The following RSL1D1 variants were observed in gnomAD, a reference collection of about 807,000 sequenced individuals.
RSL1D1 encodes ribosomal L1 domain containing 1.
Under a neutral mutation model 44.6 loss-of-function variants are expected in RSL1D1, and 34 were observed. The observed-to-expected ratio is 0.76, with a 90% CI of 0.58 to 1.02. The LOEUF (loss-of-function observed/expected upper bound fraction) is 1.02. Ranked by LOEUF, RSL1D1 falls within the 50% of genes least tolerant of loss-of-function variation. The pLI, the probability that RSL1D1 is intolerant of heterozygous loss-of-function variation, is 0.00. For synonymous variants in RSL1D1, 271 were observed against 207.4 expected (o/e 1.31, Z -2.63); for missense variants, 767 against 568.1 (o/e 1.35, Z -3.56).
rs368069170 is a variant in RSL1D1, at chr16:11,841,761, G to C, written c.789C>G (p.Ile263Met). Residue 263 changes from isoleucine to methionine, a missense_variant, in exon 7 of 9, where the codon ATC becomes ATG. Coordinates refer to ENST00000571133, the MANE Select transcript of RSL1D1 (RefSeq NM_015659.3). Reference protein sequence around the residue: ...VKTEKSAALPIFSSFVSNWDE... With the variant: ...VKTEKSAALPMFSSFVSNWDE... ...CCCAATTGCTGACAAACGAGGAAAA[G>C]ATGGGAAGTGCAGCCGATTTCTCAG... 1.9e-6 allele frequency: 3 copies of C among 1,614,100 alleles called. No homozygotes were observed. Among genetic ancestry groups the C allele is most frequent in the Non-Finnish European group, 2.5e-6 (3 of 1,179,976 alleles).
intron 8 of RSL1D1, among the ~76,000 whole-genome samples, chr16:11,838,317 A>G (rs543123435): frequency 2.0e-5 from 3 of 151,908 alleles, no homozygotes; most frequent in Non-Finnish European, 2.9e-5. Context: ...GTGTGCCACC[A>G]CGCCCGGCTC....
chr16:11,848,183 G>A (rs2053812676), intron 2 of RSL1D1, among the ~76,000 whole-genome samples: 1 of 152,158 alleles, frequency 6.6e-6, no homozygotes, highest in Non-Finnish European at 1.5e-5. Flanking sequence ...AACCCGGAAG[G>A]TGGAGGTTGC....
chr16:11,839,619 T>C, intron 8 of RSL1D1, 76 bp downstream of exon 8: 1 of 1,540,796 alleles, frequency 6.5e-7, no homozygotes, highest in South Asian at 1.3e-5. Flanking sequence ...TCATCATTTA[T>C]TGCTCAGCAC....
At chr16:11,847,522 G>C in intron 3 of RSL1D1, 146 bp downstream of exon 3, 1 of 672,064 alleles carries the variant, frequency 1.5e-6, no homozygotes, top group Non-Finnish European at 2.5e-6. Flanking sequence ...AGATATAAAA[G>C]CTACTGATGT....
chr16:11,843,871 C>CAAAAAAAAAA (rs35833714), intron 5 of RSL1D1, among the ~76,000 whole-genome samples: 8 of 53,554 alleles, frequency 1.5e-4, no homozygotes, highest in African/African-American at 5.1e-4. Context: ...AACTCTGTCT[C>CAAAAAAAAAA]AAAAAAAAAA....
intron 7 of RSL1D1, chr16:11,841,409 C>T (rs1300825311): frequency 4.3e-5 from 12 of 279,780 alleles, no homozygotes; most frequent in Non-Finnish European, 6.9e-5. Flanking sequence ...CCCTGTCTCT[C>T]TAAAAAAACC....
At chr16:11,849,788 G>C (rs980270218) in intron 2 of RSL1D1, among the ~76,000 whole-genome samples, 1 of 152,176 alleles carries the variant, frequency 6.6e-6, no homozygotes, top group African/African-American at 2.4e-5. Context: ...CAAGCTCTAA[G>C]AAAACTGGTG....
chr16:11,839,582 A>G (rs991214439), intron 8 of RSL1D1, 113 bp downstream of exon 8: 12 of 1,399,244 alleles, frequency 8.6e-6, no homozygotes, highest in Non-Finnish European at 1.1e-5. Context: ...CCACCTTCAC[A>G]GTTCTTTGGG....
At chr16:11,846,631 A>G in intron 4 of RSL1D1, 29 bp from the exon 5 acceptor site, 2 of 1,601,346 alleles carry the variant, frequency 1.2e-6, no homozygotes, top group Non-Finnish European at 1.7e-6. Context: ...GGCATTCAGA[A>G]CACAATGCAT....
At chr16:11,838,312 CCA>C (rs1409086981) in intron 8 of RSL1D1, among the ~76,000 whole-genome samples, 199 bp from the exon 9 acceptor site, 1 of 151,830 alleles carries the variant, frequency 6.6e-6, no homozygotes, top group Non-Finnish European at 1.5e-5. Flanking sequence ...TAGGTGTGTG[CCA>C]CCACGCCCGG....
At chr16:11,842,318 A>T (rs1162674942) in intron 5 of RSL1D1, among the ~76,000 whole-genome samples, 1 of 152,094 alleles carries the variant, frequency 6.6e-6, no homozygotes, top group East Asian at 1.9e-4. Context: ...GTAACAGGGA[A>T]AAACACAGTC....
intron 8 of RSL1D1, among the ~76,000 whole-genome samples, chr16:11,839,327 C>T (rs2053745681): frequency 6.7e-6 from 1 of 149,610 alleles, no homozygotes; most frequent in African/African-American, 2.5e-5. Context: ...GATCATGCCA[C>T]TGCACTCTAG....
rs1231983608 is a variant in RSL1D1 at position 11,837,797 on chromosome 16, T to C, written c.1463A>G (p.Gln488Arg). Reference sequence around the variant, plus strand: ...GTTGAATCACTGACTTTAGGTCGACTGGGGTACTTTGGGTTTTTTGGGCCA... The same window carrying C: ...GTTGAATCACTGACTTTAGGTCGACCGGGGTACTTTGGGTTTTTTGGGCCA... The part of the protein sequence containing the change: ...KKWPKKPKVP[Q>R]ST The change falls in exon 9 of 9, where the codon CAG (glutamine) becomes CGG (arginine). Residue 488 changes from glutamine (Q) to arginine (R), a missense_variant. Transcript: ENST00000571133. 1 of 1,606,556 alleles carries C rather than the reference T, an allele frequency of 6.2e-7. No homozygotes were observed. Among genetic ancestry groups the C allele is most frequent in the East Asian group, 2.2e-5 (1 of 44,796 alleles).
intron 7 of RSL1D1, among the ~76,000 whole-genome samples, chr16:11,841,133 G>C (rs987367183): frequency 6.6e-6 from 1 of 152,190 alleles, no homozygotes; most frequent in South Asian, 2.1e-4. Flanking sequence ...ATCCAGGCCA[G>C]GCATAGTAGC....
chr16:11,837,365 ATTT>A lies in RSL1D1; in HGVS notation c.*419_*421del, dbSNP rs1351439945. 1 of 153,892 alleles carries A rather than the reference ATTT, an allele frequency of 6.5e-6. No homozygotes were observed. Among genetic ancestry groups the A allele is most frequent in the Non-Finnish European group, 1.4e-5 (1 of 70,268 alleles). 9.5% of individuals were successfully genotyped at this position (153,892 alleles called of 1,614,324 possible). On this transcript the variant is annotated 3_prime_UTR_variant, in exon 9 of 9. Transcript: ENST00000571133. ...CAGGATTACTTATGGAGGTTTTATTATTTTTATTTATTTTTGAGACTGAGTCTT... is the reference window on the plus strand; with the variant it reads ...CAGGATTACTTATGGAGGTTTTATTATTATTTATTTTTGAGACTGAGTCTT...
intron 5 of RSL1D1, among the ~76,000 whole-genome samples, chr16:11,842,415 C>G (rs2053769498): frequency 6.6e-6 from 1 of 152,104 alleles, no homozygotes; most frequent in African/African-American, 2.4e-5. Flanking sequence ...ATTTTTGAGA[C>G]AGGGTTTTCC....
chr16:11,837,945 C>T lies in RSL1D1; in HGVS notation c.1315G>A (p.Val439Met), dbSNP rs376667184. The T allele has an allele frequency of 1.2e-6, 2 of 1,613,996 alleles. No individual in the cohort carries two copies. The highest frequency in any genetic ancestry group is 1.3e-5 in the African/African-American group (1 of 74,976). Residue 439 changes from valine to methionine, a missense_variant, in exon 9 of 9, where the codon GTG (valine) becomes ATG (methionine). Val to Met is a conservative substitution (Grantham distance 21, BLOSUM62 1). Coordinates refer to ENST00000571133, the MANE Select transcript of RSL1D1 (RefSeq NM_015659.3). ...CCCAGCGAAGGACTTTTTTCCTTCA[C>T]TGCCTCTTCTTTGATTTTTGGCTTC... Reference protein sequence around the residue: ...EKKPKIKEEAVKEKSPSLGKK... With the variant: ...EKKPKIKEEAMKEKSPSLGKK...
Position 11,837,583 on chromosome 16 carries a change from C to T in RSL1D1, c.*204G>A, listed in dbSNP as rs566250103. ...CCAGGATGGTCTCGATCTCGTTGAC[C>T]TTGTGATCCGCCTGCCTCGGCCTCC... On this transcript the variant is annotated 3_prime_UTR_variant, in exon 9 of 9. Coordinates refer to ENST00000571133, the MANE Select transcript of RSL1D1 (RefSeq NM_015659.3). 1.2e-5 allele frequency: 6 copies of T among 520,882 alleles called. No homozygotes were observed. The highest frequency in any genetic ancestry group is 3.2e-5 in the East Asian group (1 of 30,942). 32.3% of individuals were successfully genotyped at this position (520,882 alleles called of 1,614,324 possible).
At position 11,847,767 on chromosome 16, in the gene RSL1D1, G is replaced by C. The variant is rs776511142; in HGVS notation, c.285C>G (p.Ile95Met). 6.2e-7 allele frequency: 1 copy of C among 1,613,424 alleles called. No individual in the cohort carries two copies. Among genetic ancestry groups the C allele is most frequent in the Non-Finnish European group, 8.5e-7 (1 of 1,179,584 alleles). Residue 95 changes from isoleucine (I) to methionine (M), a missense_variant, in exon 3 of 9, where the codon ATC (isoleucine) becomes ATG (methionine). Ile to Met is a conservative substitution (Grantham distance 10, BLOSUM62 1). Coordinates refer to ENST00000571133, the MANE Select transcript of RSL1D1 (RefSeq NM_015659.3). ...PHSIRSDSED[I>M]CLFTKDEPNS... ...TGGGTTCATCCTTCGTAAATAAACA[G>C]ATATCTTCTGAATCTGATCGAATAC...
Sources: allele counts gnomAD v4.1 joint callset (sites outside exome capture counted in the v4.1 genomes callset), GRCh38; gene constraint gnomAD v4.1.1; transcripts MANE v1.5; gene names NCBI Gene and HGNC (gene_info 2026-07-23, HGNC 2026-07-21).